RANBP2: variants seen among roughly 807,000 people sequenced by gnomAD.
RANBP2 encodes E3 SUMO-protein ligase RanBP2.
A neutral mutation model predicts 303.6 loss-of-function variants in RANBP2; 57 were observed. The observed-to-expected ratio is 0.19, with a 90% CI of 0.15 to 0.23. RANBP2 has a LOEUF of 0.23. Among genes scored for constraint, RANBP2 ranks in the 10% least tolerant of loss-of-function variants. The pLI is 1.00. For missense variants in RANBP2, 3,138 were observed against 3,780.8 expected (o/e 0.83, Z 4.46); for synonymous variants, 1,167 against 1,301.5 (o/e 0.90, Z 2.23).
the RANBP2 span, among the ~76,000 whole-genome samples, chr2:109,091,919 C>T: frequency 1.3e-5 from 2 of 152,116 alleles, no homozygotes; most frequent in Admixed American, 1.3e-4. Flanking sequence ...TGTCATCTGT[C>T]TCAGTTTGTC....
the RANBP2 span, among the ~76,000 whole-genome samples, chr2:109,235,866 C>T: frequency 2.0e-5 from 3 of 152,232 alleles, no homozygotes; most frequent in Non-Finnish European, 4.4e-5. Flanking sequence ...CCTCTTAACC[C>T]TGCCAAGCCA....
the RANBP2 span, among the ~76,000 whole-genome samples, chr2:109,460,157 G>C: frequency 6.6e-6 from 1 of 152,256 alleles, no homozygotes; most frequent in African/African-American, 2.4e-5. Flanking sequence ...GTCAGAAGCA[G>C]TGCTGTGTGG....
the RANBP2 span, among the ~76,000 whole-genome samples, chr2:109,222,098 G>A: frequency 6.6e-6 from 1 of 152,188 alleles, no homozygotes; most frequent in Non-Finnish European, 1.5e-5. Flanking sequence ...GCCAGGCACA[G>A]AAAGGCAAAT....
the RANBP2 span, among the ~76,000 whole-genome samples, chr2:109,547,206 C>T: frequency 2.6e-5 from 4 of 152,100 alleles, no homozygotes; most frequent in East Asian, 7.7e-4. Context: ...CAAGTTGCTG[C>T]CTCTAGAGAC....
At chr2:109,129,536 C>T in the RANBP2 span, 12 of 1,498,308 alleles carry the variant, frequency 8.0e-6, no homozygotes, top group Non-Finnish European at 9.7e-6. Flanking sequence ...GCGGGCGCCT[C>T]CCCCATGCTG....
the RANBP2 span, among the ~76,000 whole-genome samples, chr2:109,505,145 G>A: frequency 1.3e-5 from 2 of 152,194 alleles, no homozygotes; most frequent in Non-Finnish European, 2.9e-5. Flanking sequence ...GGATGGGGGT[G>A]CAGGGAATCC....
chr2:109,569,333 C>A, the RANBP2 span, among the ~76,000 whole-genome samples: 140 of 151,050 alleles, frequency 9.3e-4, no homozygotes, highest in African/African-American at 3.4e-3. Flanking sequence ...CGGTAGGCTG[C>A]GGCAGAAGAA....
chr2:109,614,240 T>A, the RANBP2 span: 5 of 787,518 alleles, frequency 6.3e-6, no homozygotes, highest in Non-Finnish European at 8.3e-6. Context: ...CCTAGGTAGG[T>A]GTGGCCGAGA....
chr2:109,100,505 A>G, the RANBP2 span, among the ~76,000 whole-genome samples: 7 of 152,160 alleles, frequency 4.6e-5, no homozygotes, highest in Non-Finnish European at 8.8e-5. Flanking sequence ...GTTAGGGGCC[A>G]CTTCTCTAAC....
the RANBP2 span, among the ~76,000 whole-genome samples, chr2:108,823,757 A>T: frequency 6.6e-6 from 1 of 152,208 alleles, no homozygotes; most frequent in Non-Finnish European, 1.5e-5. Context: ...AAGGCAGGCG[A>T]TTACCTGAGG....
chr2:109,670,978 G>A, the RANBP2 span, among the ~76,000 whole-genome samples: 1 of 152,204 alleles, frequency 6.6e-6, no homozygotes, highest in Admixed American at 6.5e-5. Flanking sequence ...AGGCCCCAGT[G>A]CCTGGCCAGC....
chr2:108,847,331 G>C, the RANBP2 span, among the ~76,000 whole-genome samples: 1 of 152,166 alleles, frequency 6.6e-6, no homozygotes, highest in African/African-American at 2.4e-5. Context: ...CTCATTTGTT[G>C]TATATTGTCT....
At chr2:109,593,043 A>G in the RANBP2 span, 1 of 1,569,896 alleles carries the variant, frequency 6.4e-7, no homozygotes. Context: ...TTTAAAAGAC[A>G]TACTCACTAT....
chr2:109,008,898 C>CAAAAAAAAAA, the RANBP2 span, among the ~76,000 whole-genome samples: 1 of 122,506 alleles, frequency 8.2e-6, no homozygotes, highest in Non-Finnish European at 1.7e-5. Flanking sequence ...GATTCCATCT[C>CAAAAAAAAAA]AAAAAAAAAA....
the RANBP2 span, among the ~76,000 whole-genome samples, chr2:109,550,461 T>C: frequency 6.6e-6 from 1 of 151,734 alleles, no homozygotes. Flanking sequence ...TATAGGCATG[T>C]TGCCACCATG....
At chr2:109,114,548 G>A in the RANBP2 span, among the ~76,000 whole-genome samples, 4 of 151,478 alleles carry the variant, frequency 2.6e-5, no homozygotes, top group South Asian at 2.1e-4. Flanking sequence ...TCTTGCTAGC[G>A]GTCTATCAAT....
At chr2:109,144,113 A>T in the RANBP2 span, among the ~76,000 whole-genome samples, 4 of 152,236 alleles carry the variant, frequency 2.6e-5, no homozygotes. Flanking sequence ...TGAATTCTGG[A>T]GTTCTACTGT....
chr2:108,846,288 T>G, the RANBP2 span, among the ~76,000 whole-genome samples: 2 of 152,336 alleles, frequency 1.3e-5, no homozygotes, highest in Admixed American at 6.5e-5. Flanking sequence ...TTTTTTAAGT[T>G]GATAAAATTG....
chr2:108,755,291 T>C (rs763444204), intron 17 of RANBP2, 32 bp downstream of exon 17: 2 of 1,611,610 alleles, frequency 1.2e-6, no homozygotes, highest in South Asian at 2.2e-5. Flanking sequence ...GCTGTACTTT[T>C]TATTCCAAGA....
Sources: gnomAD v4.1 joint callset for allele counts (sites outside exome capture counted in the v4.1 genomes callset) on GRCh38, gnomAD v4.1.1 for gene constraint, MANE v1.5 for transcripts, NCBI Gene and HGNC (gene_info 2026-07-23, HGNC 2026-07-21) for gene names.